Variants in DUSP16 observed in about 807,000 individuals in gnomAD.
DUSP16 encodes the protein dual specificity protein phosphatase 16.
A neutral mutation model predicts 58.3 loss-of-function variants in DUSP16; 21 were observed. That is an observed-to-expected ratio of 0.36 (90% CI 0.26 to 0.52). The LOEUF is 0.52. Among genes scored for constraint, DUSP16 ranks in the 20% least tolerant of loss-of-function variants. DUSP16 has a pLI of 0.94. For missense variants in DUSP16, 726 were observed against 819.0 expected (o/e 0.89, Z 1.39); for synonymous variants, 320 against 323.8 (o/e 0.99, Z 0.12).
chr12:12,543,283 G>A lies in DUSP16; in HGVS notation c.-366+18834C>T, dbSNP rs528008163. 1.3e-3 allele frequency among the ~76,000 whole-genome samples: 202 copies of A among 152,182 alleles called. 1 individual carries two copies. Among genetic ancestry groups the A allele is most frequent in the Non-Finnish European group, 2.4e-3 (165 of 68,002 alleles). On this transcript the variant is annotated intron_variant, in intron 1 of 6. Transcript: ENST00000298573. ...GGGTAGGAAACTGTCCTTGTTCTTC[G>A]GAGACCTGCTGATGTGCTTGAGGAT...
intron 5 of DUSP16, among the ~76,000 whole-genome samples, chr12:12,484,171 TGTA>T (rs1943633641): frequency 6.6e-6 from 1 of 151,838 alleles, no homozygotes; most frequent in Non-Finnish European, 1.5e-5. Context: ...ACTTAGCAAT[TGTA>T]GTGAATATGG....
chr12:12,546,326 A>G (rs1944640513), intron 1 of DUSP16, among the ~76,000 whole-genome samples: 2 of 152,306 alleles, frequency 1.3e-5, no homozygotes, highest in Admixed American at 1.3e-4. Flanking sequence ...ATGGATGGTG[A>G]TAAGTAGCCC....
intron 4 of DUSP16, among the ~76,000 whole-genome samples, chr12:12,496,581 A>C (rs1443929683): frequency 6.6e-6 from 1 of 152,256 alleles, no homozygotes; most frequent in Non-Finnish European, 1.5e-5. Context: ...GTTCTGCTTA[A>C]TAACTACTCC....
At chr12:12,556,136 T>C (rs555770543) in intron 1 of DUSP16, among the ~76,000 whole-genome samples, 90 of 152,364 alleles carry the variant, frequency 5.9e-4, no homozygotes, top group African/African-American at 2.0e-3. Context: ...TTGTTTCCCA[T>C]AGGTTTATCT....
chr12:12,533,364 G>A (rs1944418915), intron 1 of DUSP16, among the ~76,000 whole-genome samples: 1 of 152,160 alleles, frequency 6.6e-6, no homozygotes, highest in East Asian at 1.9e-4. Context: ...ATATGCAATG[G>A]CTTCGTCACT....
At chr12:12,514,841 T>C (rs941046069) in intron 3 of DUSP16, among the ~76,000 whole-genome samples, 5 of 152,140 alleles carry the variant, frequency 3.3e-5, no homozygotes, top group African/African-American at 1.2e-4. Context: ...AAATTTCTAG[T>C]ACAGACGAGG....
chr12:12,496,219 TAG>T (rs1369148058), intron 4 of DUSP16, among the ~76,000 whole-genome samples: 1 of 152,228 alleles, frequency 6.6e-6, no homozygotes, highest in East Asian at 1.9e-4. Flanking sequence ...GTGTTCTACA[TAG>T]AGTGACATCA....
At chr12:12,550,833 A>G (rs1944713569) in intron 1 of DUSP16, among the ~76,000 whole-genome samples, 1 of 152,194 alleles carries the variant, frequency 6.6e-6, no homozygotes, top group East Asian at 1.9e-4. Context: ...TGGCATGTGT[A>G]TACCTGTGTA....
Position 12,521,293 on chromosome 12 carries a change from G to A in DUSP16, c.-195C>T. Reference sequence around the variant, plus strand: ...TGAATGTCTCTTTCTCTTTCCCGTTGATGTGCTCTTGCAAAGGACTCCGTC... The same window carrying A: ...TGAATGTCTCTTTCTCTTTCCCGTTAATGTGCTCTTGCAAAGGACTCCGTC... On this transcript the variant is annotated 5_prime_UTR_variant, in exon 2 of 7. Transcript: ENST00000298573. 7.0e-7 allele frequency: 1 copy of A among 1,430,158 alleles called. No homozygotes were observed. The highest frequency in any genetic ancestry group is 1.5e-5 in the South Asian group (1 of 66,438). 88.6% of individuals were successfully genotyped at this position (1,430,158 alleles called of 1,614,324 possible).
At chr12:12,496,508 G>A (rs1240232651) in intron 4 of DUSP16, among the ~76,000 whole-genome samples, 1 of 152,228 alleles carries the variant, frequency 6.6e-6, no homozygotes, top group East Asian at 1.9e-4. Context: ...TTATTTAAAT[G>A]GAGAAGGAGC....
chr12:12,479,947 G>C (rs1943532157), intron 6 of DUSP16, among the ~76,000 whole-genome samples: 1 of 152,232 alleles, frequency 6.6e-6, no homozygotes, highest in South Asian at 2.1e-4. Flanking sequence ...ATAAACTCAT[G>C]TAACAGGATA....
At chr12:12,555,141 A>G (rs1241791445) in intron 1 of DUSP16, among the ~76,000 whole-genome samples, 1 of 152,244 alleles carries the variant, frequency 6.6e-6, no homozygotes, top group Non-Finnish European at 1.5e-5. Context: ...CGGGAAGAGA[A>G]GGAGCTGTTA....
intron 1 of DUSP16, among the ~76,000 whole-genome samples, chr12:12,529,518 C>T (rs530931907): frequency 6.6e-6 from 1 of 152,330 alleles, no homozygotes; most frequent in African/African-American, 2.4e-5. Flanking sequence ...AAGTGCATTA[C>T]CACACATAGC....
chr12:12,539,700 C>T (rs1944522580), intron 1 of DUSP16, among the ~76,000 whole-genome samples: 1 of 148,358 alleles, frequency 6.7e-6, no homozygotes, highest in African/African-American at 2.5e-5. Flanking sequence ...ATCTATATTA[C>T]ATTAAATAAA....
At chr12:12,508,342 A>AT (rs1944027691) in intron 3 of DUSP16, among the ~76,000 whole-genome samples, 2 of 152,196 alleles carry the variant, frequency 1.3e-5, no homozygotes, top group Admixed American at 6.5e-5. Context: ...GAAAAAAAAA[A>AT]GCAACATAAT....
At chr12:12,537,760 T>C (rs1453176077) in intron 1 of DUSP16, among the ~76,000 whole-genome samples, 1 of 152,218 alleles carries the variant, frequency 6.6e-6, no homozygotes. Context: ...CACATAAGCA[T>C]CACTAAGTAT....
intron 1 of DUSP16, among the ~76,000 whole-genome samples, chr12:12,539,253 T>G (rs964356723): frequency 2.0e-5 from 3 of 152,216 alleles, no homozygotes; most frequent in Non-Finnish European, 4.4e-5. Flanking sequence ...ATTCTGAATA[T>G]TTTATTATGT....
chr12:12,526,072 C>T (rs931459121), intron 1 of DUSP16, among the ~76,000 whole-genome samples: 1 of 151,968 alleles, frequency 6.6e-6, no homozygotes, highest in African/African-American at 2.4e-5. Flanking sequence ...GCAAAGTATC[C>T]CAAGTTCAAA....
At chr12:12,528,524 A>C (rs1944336952) in intron 1 of DUSP16, among the ~76,000 whole-genome samples, 2 of 152,224 alleles carry the variant, frequency 1.3e-5, no homozygotes, top group Admixed American at 1.3e-4. Context: ...GATGGGGATT[A>C]ATTCGTGCAT....
Sources: allele counts gnomAD v4.1 joint callset (sites outside exome capture counted in the v4.1 genomes callset), GRCh38; gene constraint gnomAD v4.1.1; transcripts MANE v1.5; gene names NCBI Gene and HGNC (gene_info 2026-07-23, HGNC 2026-07-21).